The following UNC13C variants were observed in gnomAD, a reference collection of about 807,000 sequenced individuals.
UNC13C encodes the protein protein unc-13 homolog C.
UNC13C carries 174 observed loss-of-function variants against 245.4 expected under a neutral mutation model. The observed-to-expected ratio is 0.71, with a 90% CI of 0.63 to 0.80. The LOEUF (loss-of-function observed/expected upper bound fraction) is 0.80, where lower values mean the gene tolerates loss of function less well. UNC13C is among the 30% of genes least tolerant of loss of function. The pLI, the probability that UNC13C is intolerant of heterozygous loss-of-function variation, is 0.00. For synonymous variants in UNC13C, 992 were observed against 895.1 expected (o/e 1.11, Z -1.93); for missense variants, 2,829 against 2,602.9 (o/e 1.09, Z -1.89).
intron 28 of UNC13C, among the ~76,000 whole-genome samples, chr15:54,551,645 C>G (rs2141185063): frequency 6.6e-6 from 1 of 152,100 alleles, no homozygotes; most frequent in African/African-American, 2.4e-5. Flanking sequence ...ATACAATGAC[C>G]TAACAGGATT....
intron 2 of UNC13C, chr15:54,050,669 C>T (rs995569713): frequency 5.9e-5 from 30 of 508,658 alleles, no homozygotes; most frequent in Admixed American, 5.2e-4. Context: ...GTCTCTTATA[C>T]TCAAACTCTT....
At chr15:54,127,760 A>G (rs1567034831) in intron 2 of UNC13C, among the ~76,000 whole-genome samples, 1 of 145,804 alleles carries the variant, frequency 6.9e-6, no homozygotes, top group Admixed American at 7.0e-5. Context: ...ATATATATTT[A>G]TGTATAATAT....
chr15:54,497,212 C>A (rs1893990246), intron 20 of UNC13C, among the ~76,000 whole-genome samples: 1 of 152,068 alleles, frequency 6.6e-6, no homozygotes, highest in Non-Finnish European at 1.5e-5. Context: ...ATCAGAAAGA[C>A]AACAAAGGCA....
Position 54,400,125 on chromosome 15 carries a change from C to T in UNC13C, c.4847+6944C>T, listed in dbSNP as rs188068121. On this transcript the variant is annotated intron_variant, in intron 18 of 32. Transcript: ENST00000260323. ...AACTTGAGACATTCTATCATTTCAT[C>T]CCTTCTTAGTTTAGTATTTATCTCT... Among the ~76,000 whole-genome samples the T allele has an allele frequency of 4.1e-4, 63 of 151,956 alleles. No individual in the cohort carries two copies. In the East Asian group the frequency reaches 6.0e-3, roughly 14 times the overall value.
At chr15:53,950,427 AT>A in the UNC13C span, among the ~76,000 whole-genome samples, 13,793 of 147,912 alleles carry the variant, frequency 0.093, 948 homozygotes, top group East Asian at 0.32. Flanking sequence ...TAAAATAAAG[AT>A]TTTTTTTTTT....
At chr15:54,121,483 C>T (rs76557280) in intron 2 of UNC13C, among the ~76,000 whole-genome samples, 1,859 of 152,104 alleles carry the variant, frequency 0.012, 12 homozygotes, top group Middle Eastern at 0.02. Context: ...TGCTATGTTT[C>T]TGTGGTATGC....
At position 54,005,014 on chromosome 15, in the gene UNC13C, G is replaced by A. The variant is rs532995764; in HGVS notation, c.-256-7634G>A. On this transcript the variant is annotated intron_variant, in intron 1 of 32. Transcript: ENST00000260323. ...CTGTGCAGAAGCTTTTTAACTTGAT[G>A]TGACTCCATTTCTCCATGTTTGCTC... is the stretch of plus-strand genomic sequence containing the variant. 5.0e-3 allele frequency among the ~76,000 whole-genome samples: 761 copies of A among 152,118 alleles called. 2 individuals are homozygous for A. Among genetic ancestry groups the A allele is most frequent in the Non-Finnish European group, 7.9e-3 (534 of 67,980 alleles).
intron 8 of UNC13C, among the ~76,000 whole-genome samples, chr15:54,260,763 A>G (rs1256876463): frequency 6.7e-6 from 1 of 149,498 alleles, no homozygotes; most frequent in Non-Finnish European, 1.5e-5. Flanking sequence ...TTACGTATAT[A>G]ACAACTTCAA....
At chr15:54,210,742 C>A (rs1317571458) in intron 4 of UNC13C, among the ~76,000 whole-genome samples, 1 of 152,076 alleles carries the variant, frequency 6.6e-6, no homozygotes, top group African/African-American at 2.4e-5. Context: ...AATCCTGATA[C>A]AAAGGTCAGA....
chr15:54,339,461 C>T (rs2141006714), intron 17 of UNC13C, among the ~76,000 whole-genome samples: 1 of 152,244 alleles, frequency 6.6e-6, no homozygotes, highest in South Asian at 2.1e-4. Context: ...TTGTATCATT[C>T]TTACGCCTTT....
chr15:54,085,174 G>T (rs1595830621), intron 2 of UNC13C, among the ~76,000 whole-genome samples: 2 of 152,224 alleles, frequency 1.3e-5, no homozygotes, highest in South Asian at 4.2e-4. Flanking sequence ...AGATATCAGA[G>T]AACTAAGAAG....
intron 1 of UNC13C, among the ~76,000 whole-genome samples, chr15:54,007,814 C>T (rs531454556): frequency 1.3e-5 from 2 of 152,056 alleles, no homozygotes; most frequent in African/African-American, 4.8e-5. Context: ...ATACCAAAGA[C>T]AGGAATACAG....
intron 4 of UNC13C, among the ~76,000 whole-genome samples, chr15:54,232,051 G>T (rs2035567632): frequency 6.6e-6 from 1 of 152,032 alleles, no homozygotes; most frequent in African/African-American, 2.4e-5. Context: ...TTTATCAAGT[G>T]CTTCTCTATT....
chr15:54,143,545 C>A, intron 3 of UNC13C, 75 bp from the exon 4 acceptor site: 1 of 1,224,258 alleles, frequency 8.2e-7, no homozygotes, highest in Non-Finnish European at 1.2e-6. Flanking sequence ...TGACCTGTGT[C>A]CCGATTTCGT....
chr15:54,320,703 A>T (rs888338127), intron 13 of UNC13C: 11 of 366,938 alleles, frequency 3.0e-5, no homozygotes, highest in Non-Finnish European at 5.3e-5. Context: ...TCTCCTGCTA[A>T]ACTTTGTTTC....
chr15:54,551,672 A>C (rs1896740322), intron 28 of UNC13C, among the ~76,000 whole-genome samples: 1 of 152,118 alleles, frequency 6.6e-6, no homozygotes, highest in African/African-American at 2.4e-5. Context: ...ACAACACTGA[A>C]ATAACATGAA....
At chr15:54,170,880 A>C (rs996922868) in intron 4 of UNC13C, among the ~76,000 whole-genome samples, 3 of 152,180 alleles carry the variant, frequency 2.0e-5, no homozygotes, top group Non-Finnish European at 4.4e-5. Context: ...TAAAGGTATA[A>C]GCCATTGTTT....
At chr15:54,045,615 T>C (rs1392484819) in intron 2 of UNC13C, among the ~76,000 whole-genome samples, 1 of 152,210 alleles carries the variant, frequency 6.6e-6, no homozygotes, top group African/African-American at 2.4e-5. Context: ...GTCATACCAA[T>C]GGGGAGAGTA....
chr15:54,453,307 C>T (rs1891287885), intron 19 of UNC13C, among the ~76,000 whole-genome samples: 1 of 152,148 alleles, frequency 6.6e-6, no homozygotes, highest in South Asian at 2.1e-4. Context: ...GAGCAGGCTA[C>T]CTTGCTTCTC....
Sources: allele counts gnomAD v4.1 joint callset (sites outside exome capture counted in the v4.1 genomes callset), GRCh38; gene constraint gnomAD v4.1.1; transcripts MANE v1.5; gene names NCBI Gene and HGNC (gene_info 2026-07-23, HGNC 2026-07-21).